Variants in GABPB2 observed in about 807,000 individuals in gnomAD.
GABPB2 encodes the protein GA binding protein transcription factor subunit beta 2, also known as GA-binding protein subunit beta-2.
GABPB2 carries 23 observed loss-of-function variants against 39.1 expected under a neutral mutation model. The observed-to-expected ratio is 0.59, with a 90% CI of 0.42 to 0.83. The LOEUF is 0.83. Among genes scored for constraint, GABPB2 ranks in the 40% least tolerant of loss-of-function variants. The probability of loss-of-function intolerance (pLI) is 0.00; values close to 1 mark genes in which losing one functional copy is unlikely to be tolerated. For missense variants in GABPB2, 467 were observed against 541.1 expected (o/e 0.86, Z 1.36); for synonymous variants, 184 against 199.3 (o/e 0.92, Z 0.65).
chr1:151,107,145 T>C lies in GABPB2; in HGVS notation c.845T>C (p.Leu282Pro). Residue 282 changes from leucine (L) to proline (P), a missense_variant, in exon 7 of 9, where the codon CTG (leucine) becomes CCG (proline). Transcript: ENST00000368918. ...VITIVTDGVP[L>P]GNIQTSIPTG... is the part of the protein sequence containing the mutation. Reference sequence around the variant, plus strand: ...ACCATAGTGACTGATGGAGTCCCTCTGGGTAATATCCAAACTTCAATCCCT... The same window carrying C: ...ACCATAGTGACTGATGGAGTCCCTCCGGGTAATATCCAAACTTCAATCCCT... The C allele has an allele frequency of 6.2e-7, 1 of 1,613,564 alleles. No homozygotes were observed. The highest frequency in any genetic ancestry group is 8.5e-7 in the Non-Finnish European group (1 of 1,179,730).
At position 151,097,995 on chromosome 1, in the gene GABPB2, A is replaced by C; in HGVS notation, c.615A>C (p.Thr205=). The change falls in exon 5 of 9, where the codon ACA becomes ACC. Residue 205 remains threonine (T), a synonymous_variant. Coordinates refer to ENST00000368918, the MANE Select transcript of GABPB2 (RefSeq NM_144618.3). The part of the protein sequence containing the change: ...ASLISSTNTK[T]TSGDPHASTV... Reference sequence around the variant, plus strand: ...TTATTTCTTCAACCAACACCAAAACAACCTCAGGTAATGTTCTGATAACAT... The same window carrying C: ...TTATTTCTTCAACCAACACCAAAACCACCTCAGGTAATGTTCTGATAACAT... The C allele has an allele frequency of 6.2e-7, 1 of 1,613,928 alleles. No individual in the cohort carries two copies. Among genetic ancestry groups the C allele is most frequent in the Non-Finnish European group, 8.5e-7 (1 of 1,179,910 alleles).
intron 4 of GABPB2, among the ~76,000 whole-genome samples, chr1:151,096,827 C>A (rs1219540534): frequency 6.6e-6 from 1 of 152,186 alleles, no homozygotes; most frequent in Non-Finnish European, 1.5e-5. Flanking sequence ...GGATCTCTTG[C>A]TAGCACACTG....
At chr1:151,083,489 C>G (rs1478402567) in intron 1 of GABPB2, among the ~76,000 whole-genome samples, 2 of 152,100 alleles carry the variant, frequency 1.3e-5, no homozygotes, top group African/African-American at 4.8e-5. Context: ...GAAAAATTAG[C>G]TGGACGTGGT....
intron 7 of GABPB2, among the ~76,000 whole-genome samples, chr1:151,110,431 A>C (rs1344346298): frequency 6.6e-6 from 1 of 152,046 alleles, no homozygotes; most frequent in Admixed American, 6.6e-5. Flanking sequence ...GTTGTTTTGG[A>C]GAAAAAGAAT....
intron 5 of GABPB2, among the ~76,000 whole-genome samples, chr1:151,101,900 A>C (rs1365751401): frequency 1.3e-5 from 2 of 152,238 alleles, no homozygotes; most frequent in Non-Finnish European, 2.9e-5. Context: ...CTACAGTTAG[A>C]GTAATACTTT....
At chr1:151,075,015 G>A (rs1397957455) in intron 1 of GABPB2, among the ~76,000 whole-genome samples, 6 of 152,038 alleles carry the variant, frequency 3.9e-5, no homozygotes, top group South Asian at 2.1e-4. Flanking sequence ...AGTGGCACAC[G>A]CCTGTAATTC....
At chr1:151,105,403 A>G (rs988455857) in intron 6 of GABPB2, among the ~76,000 whole-genome samples, 1 of 148,960 alleles carries the variant, frequency 6.7e-6, no homozygotes, top group Non-Finnish European at 1.5e-5. Context: ...TATATATCAA[A>G]TGTATATCAA....
intron 4 of GABPB2, among the ~76,000 whole-genome samples, chr1:151,094,421 G>T (rs1678951947): frequency 1.4e-5 from 2 of 146,838 alleles, no homozygotes; most frequent in Admixed American, 1.4e-4. Flanking sequence ...CAGTGCAATG[G>T]CACGATCTCG....
At chr1:151,088,552 T>A (rs587757792) in intron 2 of GABPB2, 3 of 850,818 alleles carry the variant, frequency 3.5e-6, no homozygotes, top group South Asian at 3.2e-5. Flanking sequence ...TAATGTTTTT[T>A]AGAGTATTTT....
At chr1:151,072,392 A>C (rs1296608792) in intron 1 of GABPB2, among the ~76,000 whole-genome samples, 1 of 151,576 alleles carries the variant, frequency 6.6e-6, no homozygotes, top group Admixed American at 6.6e-5. Context: ...TACAGAGAAA[A>C]AAAAATTATT....
intron 4 of GABPB2, 30 bp downstream of exon 4, chr1:151,093,416 T>C (rs1678871179): frequency 1.3e-6 from 2 of 1,491,280 alleles, no homozygotes; most frequent in South Asian, 1.3e-5. Flanking sequence ...CTCCAGAATG[T>C]ATGTTAATTG....
chr1:151,115,711 A>G (rs587689004), intron 7 of GABPB2, among the ~76,000 whole-genome samples: 2 of 152,150 alleles, frequency 1.3e-5, no homozygotes, highest in Admixed American at 6.5e-5. Context: ...CTGCCAAACT[A>G]TTTTCTAGAG....
chr1:151,091,204 C>T (rs1678663656), intron 3 of GABPB2, among the ~76,000 whole-genome samples: 2 of 150,838 alleles, frequency 1.3e-5, no homozygotes, highest in South Asian at 4.2e-4. Flanking sequence ...TCTCCTGCCT[C>T]AGCCTCCCGA....
intron 1 of GABPB2, among the ~76,000 whole-genome samples, chr1:151,082,821 A>G (rs779955840): frequency 6.6e-6 from 1 of 151,934 alleles, no homozygotes; most frequent in Non-Finnish European, 1.5e-5. Flanking sequence ...ACAAAAAACT[A>G]AAAAATTAGT....
chr1:151,072,238 T>C (rs894729983), intron 1 of GABPB2, among the ~76,000 whole-genome samples: 6 of 152,218 alleles, frequency 3.9e-5, no homozygotes, highest in African/African-American at 1.2e-4. Flanking sequence ...CATGAATTAT[T>C]AAAACACACA....
chr1:151,079,641 C>G (rs1013041602), intron 1 of GABPB2, among the ~76,000 whole-genome samples: 1 of 152,118 alleles, frequency 6.6e-6, no homozygotes, highest in Non-Finnish European at 1.5e-5. Flanking sequence ...GTGGCTCAGG[C>G]CTGTATCCCA....
intron 1 of GABPB2, among the ~76,000 whole-genome samples, chr1:151,075,046 G>A (rs1677047383): frequency 6.6e-6 from 1 of 152,098 alleles, no homozygotes; most frequent in Admixed American, 6.6e-5. Flanking sequence ...GGAGGGTGAG[G>A]CAGGAGAATT....
intron 1 of GABPB2, among the ~76,000 whole-genome samples, chr1:151,077,182 A>G (rs1677238124): frequency 6.6e-6 from 1 of 152,112 alleles, no homozygotes. Flanking sequence ...CATAAGACTT[A>G]CAAAGCCAAT....
At chr1:151,079,644 G>A (rs147900381) in intron 1 of GABPB2, among the ~76,000 whole-genome samples, 42 of 152,120 alleles carry the variant, frequency 2.8e-4, no homozygotes, top group African/African-American at 1.0e-3. Context: ...GCTCAGGCCT[G>A]TATCCCAGCA....
Sources: allele counts gnomAD v4.1 joint callset (sites outside exome capture counted in the v4.1 genomes callset), GRCh38; gene constraint gnomAD v4.1.1; transcripts MANE v1.5; gene names NCBI Gene and HGNC (gene_info 2026-07-23, HGNC 2026-07-21).